Variants in DNAJC15 observed in about 807,000 individuals in gnomAD.
DNAJC15 encodes the protein DnaJ heat shock protein family (Hsp40) member C15.
In DNAJC15, 27 loss-of-function variants were observed where a neutral mutation model predicts 22.4. The observed-to-expected ratio is 1.20, with a 90% CI of 0.89 to 1.66. DNAJC15 has a LOEUF of 1.66. Ranked by LOEUF, DNAJC15 falls within the 40% of genes most tolerant of loss-of-function variation. The pLI, the probability that DNAJC15 is intolerant of heterozygous loss-of-function variation, is 0.00. For synonymous variants in DNAJC15, 79 were observed against 63.2 expected (o/e 1.25, Z -1.19); for missense variants, 208 against 187.1 (o/e 1.11, Z -0.65).
At chr13:43,047,939 A>G (rs2040485374) in intron 1 of DNAJC15, among the ~76,000 whole-genome samples, 1 of 152,138 alleles carries the variant, frequency 6.6e-6, no homozygotes, top group African/African-American at 2.4e-5. Flanking sequence ...TTTAGTGAGA[A>G]CATAAGATTT....
chr13:43,035,017 T>C (rs944460216), intron 1 of DNAJC15, among the ~76,000 whole-genome samples: 1 of 152,190 alleles, frequency 6.6e-6, no homozygotes, highest in Non-Finnish European at 1.5e-5. Context: ...CCCACCCAAA[T>C]GTTCCCCAAT....
chr13:43,055,113 TGG>T (rs35465843), intron 1 of DNAJC15, among the ~76,000 whole-genome samples: 4 of 109,532 alleles, frequency 3.7e-5, no homozygotes, highest in Admixed American at 9.8e-5. Flanking sequence ...GGAGGGGTGT[TGG>T]GGGGATGCCT....
At chr13:43,065,382 C>T (rs1450414135) in intron 1 of DNAJC15, among the ~76,000 whole-genome samples, 2 of 151,926 alleles carry the variant, frequency 1.3e-5, no homozygotes, top group African/African-American at 4.8e-5. Context: ...ATATTAAACC[C>T]CCTATTAAAA....
chr13:43,084,380 T>C (rs988190728), intron 4 of DNAJC15, among the ~76,000 whole-genome samples: 12 of 152,204 alleles, frequency 7.9e-5, no homozygotes, highest in African/African-American at 2.7e-4. Context: ...TTATTACGTG[T>C]ATGCTACGTA....
intron 5 of DNAJC15, among the ~76,000 whole-genome samples, chr13:43,106,207 TCAG>T (rs1427199887): frequency 1.3e-5 from 2 of 152,164 alleles, no homozygotes; most frequent in Non-Finnish European, 2.9e-5. Flanking sequence ...TATGATATTT[TCAG>T]CAGCTATAGA....
chr13:43,078,135 A>G (rs2040644011), intron 3 of DNAJC15, among the ~76,000 whole-genome samples: 3 of 152,120 alleles, frequency 2.0e-5, no homozygotes, highest in South Asian at 4.1e-4. Flanking sequence ...CTCCAGCAGC[A>G]TTGAAACCTT....
intron 4 of DNAJC15, among the ~76,000 whole-genome samples, chr13:43,079,845 C>T (rs1177352055): frequency 6.6e-6 from 1 of 151,936 alleles, no homozygotes; most frequent in African/African-American, 2.4e-5. Flanking sequence ...AAAGTTTTAT[C>T]CCATAGAACT....
At chr13:43,040,577 C>T (rs907101304) in intron 1 of DNAJC15, among the ~76,000 whole-genome samples, 10 of 152,004 alleles carry the variant, frequency 6.6e-5, no homozygotes, top group Admixed American at 5.9e-4. Flanking sequence ...CACCTGTGGG[C>T]GTTTCTCGTT....
At chr13:43,054,719 T>A (rs143896549) in intron 1 of DNAJC15, among the ~76,000 whole-genome samples, 2 of 152,340 alleles carry the variant, frequency 1.3e-5, no homozygotes, top group Non-Finnish European at 2.9e-5. Flanking sequence ...TCTTGAATGA[T>A]CTTTTTATTT....
intron 1 of DNAJC15, among the ~76,000 whole-genome samples, chr13:43,046,472 C>T (rs920986344): frequency 4.6e-5 from 7 of 152,000 alleles, no homozygotes; most frequent in Non-Finnish European, 8.8e-5. Context: ...GTGACCGCAC[C>T]TACCTTTAAA....
intron 1 of DNAJC15, among the ~76,000 whole-genome samples, chr13:43,037,387 A>G (rs1181185652): frequency 1.3e-5 from 2 of 152,232 alleles, no homozygotes; most frequent in African/African-American, 2.4e-5. Flanking sequence ...GAGGCCAACT[A>G]GAGATGCAGT....
chr13:43,083,253 C>T (rs1011957522), intron 4 of DNAJC15, among the ~76,000 whole-genome samples: 11 of 151,944 alleles, frequency 7.2e-5, no homozygotes, highest in African/African-American at 1.2e-4. Flanking sequence ...CTGCAAGCTC[C>T]GCCTCCTGGG....
At chr13:43,090,908 C>T (rs2040711695) in intron 5 of DNAJC15, among the ~76,000 whole-genome samples, 1 of 151,568 alleles carries the variant, frequency 6.6e-6, no homozygotes, top group Non-Finnish European at 1.5e-5. Flanking sequence ...TGGGGTTTCA[C>T]TGTGTTAGCC....
chr13:43,071,751 A>C (rs538399165), intron 3 of DNAJC15, among the ~76,000 whole-genome samples: 1 of 152,272 alleles, frequency 6.6e-6, no homozygotes, highest in Non-Finnish European at 1.5e-5. Context: ...TCCAAGGCTC[A>C]AGTTTCAACG....
chr13:43,025,115 C>G (rs1462624635), intron 1 of DNAJC15, among the ~76,000 whole-genome samples: 2 of 151,904 alleles, frequency 1.3e-5, no homozygotes, highest in Non-Finnish European at 2.9e-5. Flanking sequence ...AGTAACTGGT[C>G]CAGGATCATC....
chr13:43,059,423 G>C (rs1332798071), intron 1 of DNAJC15, among the ~76,000 whole-genome samples: 1 of 152,062 alleles, frequency 6.6e-6, no homozygotes, highest in Non-Finnish European at 1.5e-5. Flanking sequence ...GCCCAGGCTG[G>C]AGTGCAACGG....
intron 4 of DNAJC15, among the ~76,000 whole-genome samples, chr13:43,079,603 C>T (rs1339423921): frequency 6.6e-6 from 1 of 152,098 alleles, no homozygotes; most frequent in African/African-American, 2.4e-5. Flanking sequence ...GTTTGCTATA[C>T]TGCCAACTAT....
rs188464524 is a variant in DNAJC15, at chr13:43,055,415, C to T, written c.109-10271C>T. On this transcript the variant is annotated intron_variant, in intron 1 of 5. Transcript: ENST00000379221. ...TGACATTTTTACTAAGCAACTCACT[C>T]GGGACCCATCTCTTCAAGGGAGAGC... Among the ~76,000 whole-genome samples, 492 of 152,238 alleles carry T rather than the reference C, an allele frequency of 3.2e-3. 2 individuals are homozygous for T. The highest frequency in any genetic ancestry group is 5.2e-3 in the Non-Finnish European group (354 of 68,016).
chr13:43,102,514 G>A (rs995181831), intron 5 of DNAJC15, among the ~76,000 whole-genome samples: 2 of 152,084 alleles, frequency 1.3e-5, no homozygotes, highest in Admixed American at 6.6e-5. Flanking sequence ...GGTGATTCAC[G>A]CCTGTAATCC....
Sources: gnomAD v4.1 joint callset for allele counts (sites outside exome capture counted in the v4.1 genomes callset) on GRCh38, gnomAD v4.1.1 for gene constraint, MANE v1.5 for transcripts, NCBI Gene and HGNC (gene_info 2026-07-23, HGNC 2026-07-21) for gene names.